SHISA9: variants seen among roughly 807,000 people sequenced by gnomAD.
SHISA9 encodes protein shisa-9.
In SHISA9, 13 loss-of-function variants were observed where a neutral mutation model predicts 38.0. The ratio of observed to expected loss-of-function variants is 0.34; its 90% CI spans 0.22 to 0.54. The LOEUF (loss-of-function observed/expected upper bound fraction) is 0.54. Among genes scored for constraint, SHISA9 ranks in the 20% least tolerant of loss-of-function variants. SHISA9 has a pLI of 0.91. For missense variants in SHISA9, 538 were observed against 575.8 expected (o/e 0.93, Z 0.67); for synonymous variants, 275 against 242.0 (o/e 1.14, Z -1.27).
intron 2 of SHISA9, among the ~76,000 whole-genome samples, chr16:13,078,376 AT>A (rs1429081551): frequency 3.3e-5 from 5 of 151,858 alleles, no homozygotes; most frequent in African/African-American, 7.3e-5. Flanking sequence ...TATTTGTATT[AT>A]TTTTTATTGT....
At chr16:13,145,807 G>T (rs1382357331) in intron 2 of SHISA9, among the ~76,000 whole-genome samples, 2 of 152,310 alleles carry the variant, frequency 1.3e-5, no homozygotes, top group Non-Finnish European at 2.9e-5. Flanking sequence ...GCCAGGCATT[G>T]TTCTAAACCC....
chr16:13,103,470 G>C (rs537031270), intron 2 of SHISA9, among the ~76,000 whole-genome samples: 1 of 152,214 alleles, frequency 6.6e-6, no homozygotes, highest in Non-Finnish European at 1.5e-5. Flanking sequence ...AGGGGCTAAT[G>C]AATGGGAAGA....
intron 2 of SHISA9, among the ~76,000 whole-genome samples, chr16:13,039,834 C>T (rs1259826079): frequency 6.6e-6 from 1 of 152,120 alleles, no homozygotes; most frequent in Non-Finnish European, 1.5e-5. Context: ...CGGCTTCAGA[C>T]CCAGGCCCTG....
chr16:13,520,878 T>A, the SHISA9 span, among the ~76,000 whole-genome samples: 1 of 152,186 alleles, frequency 6.6e-6, no homozygotes, highest in South Asian at 2.1e-4. Context: ...TAATTGCACA[T>A]TTTTATGGGG....
the SHISA9 span, among the ~76,000 whole-genome samples, chr16:13,391,974 A>G: frequency 6.6e-6 from 1 of 152,158 alleles, no homozygotes; most frequent in Non-Finnish European, 1.5e-5. Flanking sequence ...CGAGTGTCTG[A>G]TGGTCCCGGT....
intron 2 of SHISA9, among the ~76,000 whole-genome samples, chr16:12,926,899 G>T (rs996670209): frequency 2.0e-5 from 3 of 152,198 alleles, no homozygotes; most frequent in African/African-American, 7.2e-5. Flanking sequence ...GATTAATTTT[G>T]TACAAATTGC....
At chr16:13,048,417 T>C (rs1048056311) in intron 2 of SHISA9, among the ~76,000 whole-genome samples, 2 of 152,152 alleles carry the variant, frequency 1.3e-5, no homozygotes, top group African/African-American at 2.4e-5. Context: ...AAATAGTTTA[T>C]GGACTTATAA....
At chr16:13,005,109 C>G (rs1266015990) in intron 2 of SHISA9, among the ~76,000 whole-genome samples, 2 of 151,904 alleles carry the variant, frequency 1.3e-5, no homozygotes, top group African/African-American at 4.8e-5. Context: ...AGAGGAGGTG[C>G]CATTCCTGAG....
At chr16:13,062,446 C>T (rs1200140815) in intron 2 of SHISA9, among the ~76,000 whole-genome samples, 4 of 152,176 alleles carry the variant, frequency 2.6e-5, no homozygotes, top group Non-Finnish European at 5.9e-5. Context: ...ATTGCTTAAC[C>T]TCTCTGTGTC....
chr16:13,466,254 C>G, the SHISA9 span, among the ~76,000 whole-genome samples: 1 of 152,168 alleles, frequency 6.6e-6, no homozygotes, highest in Admixed American at 6.5e-5. Flanking sequence ...TCTGAGTCAA[C>G]AGGCTAAGAA....
intron 2 of SHISA9, among the ~76,000 whole-genome samples, chr16:12,943,157 G>A (rs1439485043): frequency 2.0e-5 from 3 of 152,064 alleles, no homozygotes; most frequent in Non-Finnish European, 2.9e-5. Context: ...TCACTGTGAC[G>A]AGGGGAGGTG....
At chr16:13,543,811 C>T in the SHISA9 span, among the ~76,000 whole-genome samples, 26 of 152,154 alleles carry the variant, frequency 1.7e-4, no homozygotes, top group Non-Finnish European at 3.1e-4. Context: ...CAAAGGCATC[C>T]ATGGCGTCTA....
intron 4 of SHISA9, among the ~76,000 whole-genome samples, chr16:13,214,882 T>C (rs1397665861): frequency 6.6e-6 from 1 of 152,152 alleles, no homozygotes; most frequent in African/African-American, 2.4e-5. Context: ...CACCTGGGAA[T>C]TGTGCGAGTT....
chr16:13,409,702 G>A, the SHISA9 span, among the ~76,000 whole-genome samples: 3 of 152,204 alleles, frequency 2.0e-5, no homozygotes, highest in African/African-American at 7.2e-5. Context: ...ATCTCAAAAT[G>A]CCCCCAGCCT....
chr16:13,392,777 A>C, the SHISA9 span, among the ~76,000 whole-genome samples: 1 of 152,366 alleles, frequency 6.6e-6, no homozygotes, highest in East Asian at 1.9e-4. Context: ...CACTGTGTGA[A>C]GATAAAGGCA....
At chr16:13,380,024 A>G in the SHISA9 span, among the ~76,000 whole-genome samples, 11 of 152,184 alleles carry the variant, frequency 7.2e-5, no homozygotes, top group Non-Finnish European at 1.2e-4. Context: ...TTAAATAAGC[A>G]TAAGAGTTGG....
the SHISA9 span, among the ~76,000 whole-genome samples, chr16:13,463,083 G>A: frequency 6.6e-6 from 1 of 152,196 alleles, no homozygotes; most frequent in African/African-American, 2.4e-5. Context: ...TTGAGCCTGG[G>A]GGGGGAAGGT....
intron 2 of SHISA9, among the ~76,000 whole-genome samples, chr16:12,967,787 A>T (rs75550559): frequency 0.061 from 9,313 of 152,202 alleles, 408 homozygotes; most frequent in East Asian, 0.18. Flanking sequence ...AGACATGCAA[A>T]TAACAGTTAT....
Position 13,210,040 on chromosome 16 carries a change from G to A in SHISA9, c.848-3213G>A, listed in dbSNP as rs542559760. 1.3e-3 allele frequency among the ~76,000 whole-genome samples: 205 copies of A among 152,242 alleles called. 1 individual carries two copies. Among genetic ancestry groups the A allele is most frequent in the African/African-American group, 4.7e-3 (194 of 41,544 alleles). On this transcript the variant is annotated intron_variant, in intron 3 of 4. Transcript: ENST00000558583. ...GGCGTGAACCCGGGAGGCGGAGCTC[G>A]CAGTGAGCCAAGATCACACCACTGC... is the stretch of plus-strand genomic sequence containing the variant.
Sources: allele counts gnomAD v4.1 joint callset (sites outside exome capture counted in the v4.1 genomes callset), GRCh38; gene constraint gnomAD v4.1.1; transcripts MANE v1.5; gene names NCBI Gene and HGNC (gene_info 2026-07-23, HGNC 2026-07-21).